SLC39A11: variants seen among roughly 807,000 people sequenced by gnomAD.
SLC39A11 encodes the protein zinc transporter ZIP11.
In SLC39A11, 33 loss-of-function variants were observed where a neutral mutation model predicts 36.1. The ratio of observed to expected loss-of-function variants is 0.91; its 90% CI spans 0.69 to 1.22. The LOEUF (loss-of-function observed/expected upper bound fraction) is 1.22. SLC39A11 is among the 50% of genes most tolerant of loss of function. The pLI is 0.00. For synonymous variants in SLC39A11, 166 were observed against 170.3 expected (o/e 0.97, Z 0.20); for missense variants, 432 against 430.3 (o/e 1.00, Z -0.03).
intron 5 of SLC39A11, among the ~76,000 whole-genome samples, chr17:72,931,291 G>A (rs1186479159): frequency 6.6e-6 from 1 of 152,206 alleles, no homozygotes; most frequent in African/African-American, 2.4e-5. Context: ...ACCAAGTCGA[G>A]AAGTACTGGT....
At chr17:72,654,792 C>T (rs951474498) in intron 7 of SLC39A11, among the ~76,000 whole-genome samples, 3 of 152,326 alleles carry the variant, frequency 2.0e-5, no homozygotes, top group Non-Finnish European at 2.9e-5. Flanking sequence ...GGCAGGCACA[C>T]GAAGGTAGCC....
intron 3 of SLC39A11, among the ~76,000 whole-genome samples, chr17:73,038,461 A>G (rs1344572142): frequency 6.7e-6 from 1 of 150,172 alleles, no homozygotes; most frequent in African/African-American, 2.5e-5. Flanking sequence ...CACTTTGAGA[A>G]GCCTAGGTGG....
intron 5 of SLC39A11, among the ~76,000 whole-genome samples, chr17:72,888,580 C>T (rs1158623011): frequency 1.3e-5 from 2 of 152,138 alleles, no homozygotes. Flanking sequence ...TTTGCCTACT[C>T]GATCAGCTCT....
chr17:72,849,747 G>T lies in SLC39A11; in HGVS notation c.488C>A (p.Pro163Gln). The change falls in exon 6 of 10, where the codon CCA (proline) becomes CAA (glutamine). Residue 163 changes from proline (P) to glutamine (Q), a missense_variant. Pro to Gln is a moderately conservative substitution (Grantham distance 76). Transcript: ENST00000255559. ...AGGCACAGGGACAGCAGGACCCTCT[G>T]GAAGGCCAGTGGCTGCCGCCTTCTT... is the stretch of plus-strand genomic sequence containing the variant. ...QRKKAAATGLPEGPAVPVPSR... is the reference protein window; with the variant it reads ...QRKKAAATGLQEGPAVPVPSR... The T allele has an allele frequency of 6.2e-7, 1 of 1,608,388 alleles. No homozygotes were observed. Among genetic ancestry groups the T allele is most frequent in the Non-Finnish European group, 8.5e-7 (1 of 1,178,160 alleles).
At chr17:72,699,393 C>A (rs1181877382) in intron 7 of SLC39A11, among the ~76,000 whole-genome samples, 1 of 152,194 alleles carries the variant, frequency 6.6e-6, no homozygotes, top group Non-Finnish European at 1.5e-5. Context: ...GTTGGGCAAG[C>A]TTGCTGTAGA....
chr17:73,078,643 T>C (rs1339674325), intron 3 of SLC39A11, among the ~76,000 whole-genome samples: 2 of 152,010 alleles, frequency 1.3e-5, no homozygotes, highest in Non-Finnish European at 2.9e-5. Context: ...CCCGCCACCA[T>C]GCCTGGCTAA....
chr17:72,655,079 C>G (rs146881764), intron 7 of SLC39A11, among the ~76,000 whole-genome samples: 5 of 152,248 alleles, frequency 3.3e-5, no homozygotes, highest in Admixed American at 1.3e-4. Flanking sequence ...CCTTTCTCAG[C>G]AGGGCATTGC....
At chr17:72,822,315 A>AATAT (rs71354895) in intron 6 of SLC39A11, among the ~76,000 whole-genome samples, 9 of 146,454 alleles carry the variant, frequency 6.1e-5, no homozygotes, top group Non-Finnish European at 1.1e-4. Context: ...AGAGAGATAT[A>AATAT]ATATATATAT....
At chr17:72,777,800 T>C (rs1211006680) in intron 6 of SLC39A11, among the ~76,000 whole-genome samples, 2 of 152,084 alleles carry the variant, frequency 1.3e-5, no homozygotes, top group African/African-American at 4.8e-5. Flanking sequence ...TGAATAAACA[T>C]AGTAATGGAA....
chr17:72,753,123 G>A (rs2075218204), intron 6 of SLC39A11, among the ~76,000 whole-genome samples: 1 of 152,188 alleles, frequency 6.6e-6, no homozygotes, highest in South Asian at 2.1e-4. Context: ...CTCCCAAAGT[G>A]CTGGGATTAC....
At chr17:73,042,204 T>C (rs1192623306) in intron 3 of SLC39A11, among the ~76,000 whole-genome samples, 1 of 152,150 alleles carries the variant, frequency 6.6e-6, no homozygotes, top group Non-Finnish European at 1.5e-5. Flanking sequence ...ACAGTTTCAA[T>C]ACCAAAACAA....
At chr17:72,844,010 T>C (rs747854970) in intron 6 of SLC39A11, among the ~76,000 whole-genome samples, 1 of 151,394 alleles carries the variant, frequency 6.6e-6, no homozygotes, top group Non-Finnish European at 1.5e-5. Flanking sequence ...TAAACTGAAA[T>C]AGCAAAGACA....
intron 6 of SLC39A11, among the ~76,000 whole-genome samples, chr17:72,772,996 G>T (rs564352805): frequency 1.3e-5 from 2 of 152,298 alleles, no homozygotes; most frequent in African/African-American, 4.8e-5. Flanking sequence ...TAAGGCAGGA[G>T]AATCACTTGA....
Position 72,805,752 on chromosome 17 carries a change from C to CT in SLC39A11, c.601+43881dup, listed in dbSNP as rs547328994. On this transcript the variant is annotated intron_variant, in intron 6 of 9. Transcript: ENST00000255559. The stretch of plus-strand genomic sequence containing the variant: ...TTAATTTTTTTTTCTTTTTCTTTTT[C>CT]TTTTTTTTTTTTCTGAGATGGAGTC... Among the ~76,000 whole-genome samples, 778 of 145,586 alleles carry CT rather than the reference C, an allele frequency of 5.3e-3. 4 individuals are homozygous for CT. The highest frequency in any genetic ancestry group is 0.013 in the East Asian group (64 of 4,994).
intron 3 of SLC39A11, among the ~76,000 whole-genome samples, chr17:73,072,910 T>C (rs917636048): frequency 1.3e-5 from 2 of 152,258 alleles, no homozygotes; most frequent in African/African-American, 4.8e-5. Flanking sequence ...CTGGGCGCAG[T>C]GGCCCACGCC....
chr17:72,995,801 A>T (rs1428287939), intron 4 of SLC39A11, among the ~76,000 whole-genome samples: 1 of 152,186 alleles, frequency 6.6e-6, no homozygotes, highest in African/African-American at 2.4e-5. Context: ...CAGCTCACAG[A>T]CAACAGATCT....
At chr17:72,845,714 T>G (rs1242182077) in intron 6 of SLC39A11, among the ~76,000 whole-genome samples, 1 of 152,184 alleles carries the variant, frequency 6.6e-6, no homozygotes, top group East Asian at 1.9e-4. Context: ...ATAACCCAAG[T>G]ACATGGAATA....
At chr17:72,804,361 A>G (rs1195298107) in intron 6 of SLC39A11, among the ~76,000 whole-genome samples, 1 of 152,178 alleles carries the variant, frequency 6.6e-6, no homozygotes, top group Non-Finnish European at 1.5e-5. Flanking sequence ...ACACAGCCAG[A>G]GGAGGATAGA....
intron 4 of SLC39A11, among the ~76,000 whole-genome samples, chr17:73,023,649 C>T (rs912491300): frequency 2.6e-5 from 4 of 152,140 alleles, no homozygotes; most frequent in South Asian, 4.1e-4. Flanking sequence ...GCCACCACGC[C>T]TGGCTAATTT....
Sources: gnomAD v4.1 joint callset for allele counts (sites outside exome capture counted in the v4.1 genomes callset) on GRCh38, gnomAD v4.1.1 for gene constraint, MANE v1.5 for transcripts, NCBI Gene and HGNC (gene_info 2026-07-23, HGNC 2026-07-21) for gene names.